CD58: variants seen among roughly 807,000 people sequenced by gnomAD.
CD58 encodes CD58 molecule.
A neutral mutation model predicts 27.6 loss-of-function variants in CD58; 14 were observed. The observed-to-expected ratio is 0.51, with a 90% confidence interval of 0.34 to 0.79. CD58 has a LOEUF of 0.79. Among genes scored for constraint, CD58 ranks in the 30% least tolerant of loss-of-function variants. CD58 has a pLI of 0.02. For synonymous variants in CD58, 117 were observed against 103.8 expected (o/e 1.13, Z -0.77); for missense variants, 268 against 301.7 (o/e 0.89, Z 0.83).
rs1359833741 is a variant in CD58 at position 116,534,450 on chromosome 1, G to C, written c.628+1515C>G. 6.6e-6 allele frequency among the ~76,000 whole-genome samples: 1 copy of C among 152,182 alleles called. No individual in the cohort carries two copies. Among genetic ancestry groups the C allele is most frequent in the Admixed American group, 6.5e-5 (1 of 15,284 alleles). On this transcript the variant is annotated intron_variant, in intron 3 of 5. Transcript: ENST00000369489. This position sits in a 1 kb window ranked among gnomAD's most constrained non-coding sequence, Gnocchi z 5.3. ...TGCGCCGCGGCCCTCCGGGTACGCG[G>C]GGCTGGCTGGGCTAGCGGGAGATTT...
At chr1:116,547,555 T>G (rs1239639955) in intron 1 of CD58, among the ~76,000 whole-genome samples, 2 of 152,008 alleles carry the variant, frequency 1.3e-5, no homozygotes, top group African/African-American at 4.8e-5. Flanking sequence ...GGTCTCGATC[T>G]CCTGACCTCG....
At chr1:116,526,542 T>C (rs905335771) in intron 3 of CD58, among the ~76,000 whole-genome samples, 5 of 152,234 alleles carry the variant, frequency 3.3e-5, no homozygotes, top group Non-Finnish European at 4.4e-5. Context: ...GATTCACTGA[T>C]CTATTTGTCT....
chr1:116,514,762 T>C lies in CD58; in HGVS notation c.*51A>G, dbSNP rs1412938065. 2.4e-6 allele frequency: 3 copies of C among 1,250,824 alleles called. No homozygotes were observed. Among genetic ancestry groups the C allele is most frequent in the South Asian group, 2.6e-5 (2 of 77,290 alleles). The allele number at this position is 1,250,824 out of a possible 1,614,324, so 77.5% of individuals were successfully genotyped here. ...TCAAATGAGAAATCAGATGGCTTTT[T>C]AGTTTTTAAAATAATTTAGTTATGC... On this transcript the variant is annotated 3_prime_UTR_variant, in exon 6 of 6. Transcript: ENST00000369489.
Position 116,562,791 on chromosome 1 carries a change from G to A in CD58, c.70+8112C>T, listed in dbSNP as rs149704382. ...CTCATGATTCAATTATCTCCACCTG[G>A]CCCTGCCCTTGACACACGGGGATTA... On this transcript the variant is annotated intron_variant, in intron 1 of 5. Coordinates refer to ENST00000369489, the MANE Select transcript of CD58 (RefSeq NM_001779.3). Among the ~76,000 whole-genome samples, 42 of 152,262 alleles carry A rather than the reference G, an allele frequency of 2.8e-4. 1 individual carries two copies. The highest frequency in any genetic ancestry group is 9.9e-4 in the African/African-American group (41 of 41,554).
chr1:116,559,223 G>C lies in CD58; in HGVS notation c.70+11680C>G, dbSNP rs938997090. Reference sequence around the variant, plus strand: ...GGGAGCGAGCCTAAGAACATCTGGGGTGAGAGTGAGAAAGGAGTTATTTCT... The same window carrying C: ...GGGAGCGAGCCTAAGAACATCTGGGCTGAGAGTGAGAAAGGAGTTATTTCT... On this transcript the variant is annotated intron_variant, in intron 1 of 5. Transcript: ENST00000369489. This position sits in a 1 kb window ranked among gnomAD's most constrained non-coding sequence, Gnocchi z 4.4. Among the ~76,000 whole-genome samples the C allele has an allele frequency of 1.1e-4, 17 of 152,136 alleles. No homozygotes were observed. The highest frequency in any genetic ancestry group is 4.1e-4 in the African/African-American group (17 of 41,416).
chr1:116,545,458 GGGACAGACAAGC>G (rs1658138117), intron 1 of CD58, among the ~76,000 whole-genome samples: 1 of 152,136 alleles, frequency 6.6e-6, no homozygotes, highest in African/African-American at 2.4e-5. Flanking sequence ...GTTTGTAGTG[GGGACAGACAAGC>G]GGACAGACTC....
At position 116,559,689 on chromosome 1, in the gene CD58, C is replaced by T. The variant is rs1005652300; in HGVS notation, c.70+11214G>A. Among the ~76,000 whole-genome samples the T allele has an allele frequency of 1.3e-5, 2 of 152,200 alleles. No homozygotes were observed. The highest frequency in any genetic ancestry group is 6.5e-5 in the Admixed American group (1 of 15,284). ...CAAGGTTCCCGGACCTTGCTCTCAGCTGTCAATCTGCCTCCTCGATAAGTT... is the reference window on the plus strand; with the variant it reads ...CAAGGTTCCCGGACCTTGCTCTCAGTTGTCAATCTGCCTCCTCGATAAGTT... On this transcript the variant is annotated intron_variant, in intron 1 of 5. Coordinates refer to ENST00000369489, the MANE Select transcript of CD58 (RefSeq NM_001779.3). This position sits in a 1 kb window ranked among gnomAD's most constrained non-coding sequence, Gnocchi z 4.4.
At chr1:116,544,817 T>A (rs527591113) in intron 1 of CD58, among the ~76,000 whole-genome samples, 1 of 152,306 alleles carries the variant, frequency 6.6e-6, no homozygotes, top group Non-Finnish European at 1.5e-5. Flanking sequence ...GCACCAACCA[T>A]CTGCCAGGTA....
chr1:116,541,395 A>G lies in CD58; in HGVS notation c.364+2916T>C, dbSNP rs1239689380. 1.3e-5 allele frequency among the ~76,000 whole-genome samples: 2 copies of G among 152,240 alleles called. No individual in the cohort carries two copies. Among genetic ancestry groups the G allele is most frequent in the African/African-American group, 4.8e-5 (2 of 41,460 alleles). The stretch of plus-strand genomic sequence containing the variant: ...AGTCCACAGGGGTCAGACCTCACAT[A>G]GCCTTGCAAGTCGCTTTACACATTT... On this transcript the variant is annotated intron_variant, in intron 2 of 5. Transcript: ENST00000369489. This position sits in a 1 kb window ranked among gnomAD's most constrained non-coding sequence, Gnocchi z 5.3.
At chr1:116,569,080 G>A (rs549564105) in intron 1 of CD58, among the ~76,000 whole-genome samples, 9 of 152,364 alleles carry the variant, frequency 5.9e-5, no homozygotes, top group Non-Finnish European at 1.3e-4. Flanking sequence ...TGTTGGAGGT[G>A]GAGCTTGGGC....
chr1:116,556,437 T>C (rs554815347), intron 1 of CD58, among the ~76,000 whole-genome samples: 6 of 152,198 alleles, frequency 3.9e-5, no homozygotes, highest in African/African-American at 1.4e-4. Flanking sequence ...GTTTCTTATT[T>C]AGCTTGCTAC....
Position 116,563,112 on chromosome 1 carries a change from T to C in CD58, c.70+7791A>G, listed in dbSNP as rs1357701388. Among the ~76,000 whole-genome samples, 2 of 152,130 alleles carry C rather than the reference T, an allele frequency of 1.3e-5. No homozygotes were observed. The highest frequency in any genetic ancestry group is 4.8e-5 in the African/African-American group (2 of 41,396). On this transcript the variant is annotated intron_variant, in intron 1 of 5. Transcript: ENST00000369489. This position sits in a 1 kb window ranked among gnomAD's most constrained non-coding sequence, Gnocchi z 4.1. ...TATATCCATTCCAAATGGGAGAAATTGTCCAAAACAAAAGGGCTACAGGCC... is the reference window on the plus strand; with the variant it reads ...TATATCCATTCCAAATGGGAGAAATCGTCCAAAACAAAAGGGCTACAGGCC...
intron 1 of CD58, among the ~76,000 whole-genome samples, chr1:116,567,792 T>C (rs1169573500): frequency 6.6e-6 from 1 of 152,214 alleles, no homozygotes; most frequent in African/African-American, 2.4e-5. Flanking sequence ...AAAGGTAAAA[T>C]GGTGCCTCTA....
rs1658341683 is a variant in CD58 at position 116,550,066 on chromosome 1, G to C, written c.71-5462C>G. 6.6e-6 allele frequency among the ~76,000 whole-genome samples: 1 copy of C among 152,126 alleles called. No homozygotes were observed. The highest frequency in any genetic ancestry group is 1.5e-5 in the Non-Finnish European group (1 of 68,024). Reference sequence around the variant, plus strand: ...ATGCTAACAATCATTTGAGCCTTCAGCAAGTCCTAATATTTTTGCTGGTGA... The same window carrying C: ...ATGCTAACAATCATTTGAGCCTTCACCAAGTCCTAATATTTTTGCTGGTGA... On this transcript the variant is annotated intron_variant, in intron 1 of 5. Coordinates refer to ENST00000369489, the MANE Select transcript of CD58 (RefSeq NM_001779.3). The surrounding 1 kb of genome is among the most constrained non-coding windows in gnomAD (Gnocchi z 4.2).
intron 1 of CD58, among the ~76,000 whole-genome samples, chr1:116,568,532 C>G (rs550133795): frequency 6.6e-6 from 1 of 152,320 alleles, no homozygotes; most frequent in South Asian, 2.1e-4. Flanking sequence ...TTATCACCAT[C>G]CAGCATCCAT....
At position 116,535,954 on chromosome 1, in the gene CD58, T is replaced by C; in HGVS notation, c.628+11A>G. 9 of 1,595,050 alleles carry C rather than the reference T, an allele frequency of 5.6e-6. No individual in the cohort carries two copies. The highest frequency in any genetic ancestry group is 7.7e-6 in the Non-Finnish European group (9 of 1,169,962). ...TGAAAGCCTCCATGACACATTTAGTTATTTACTCACCGCTGCTTGGGATAC... is the reference window on the plus strand; with the variant it reads ...TGAAAGCCTCCATGACACATTTAGTCATTTACTCACCGCTGCTTGGGATAC... On this transcript the variant is annotated intron_variant, in intron 3 of 5. Coordinates refer to ENST00000369489, the MANE Select transcript of CD58 (RefSeq NM_001779.3).
chr1:116,523,762 A>T lies in CD58; in HGVS notation c.629-1779T>A, dbSNP rs1383287352. Among the ~76,000 whole-genome samples, 1 of 152,166 alleles carries T rather than the reference A, an allele frequency of 6.6e-6. No individual in the cohort carries two copies. The highest frequency in any genetic ancestry group is 2.4e-5 in the African/African-American group (1 of 41,430). On this transcript the variant is annotated intron_variant, in intron 3 of 5. Transcript: ENST00000369489. The surrounding 1 kb of genome is among the most constrained non-coding windows in gnomAD (Gnocchi z 4.4). ...TATCATTCCTTCTTTACTAACTACA[A>T]TCTTCACATAAAGATAAACTGCCCC...
Position 116,544,601 on chromosome 1 carries a change from A to G in CD58, c.74T>C (p.Phe25Ser). Residue 25 changes from phenylalanine (F) to serine (S), a missense_variant, in exon 2 of 6, where the codon TTC (phenylalanine) becomes TCC (serine). Coordinates refer to ENST00000369489, the MANE Select transcript of CD58 (RefSeq NM_001779.3). The stretch of plus-strand genomic sequence containing the variant: ...TATTTGTTGGGAAAAACAGCTGATG[A>G]AACCTAGGAGAGAAAAAAAAATTGG... Reference protein sequence around the residue: ...SVVCLLHCFGFISCFSQQIYG... With the variant: ...SVVCLLHCFGSISCFSQQIYG... 1 of 1,576,242 alleles carries G rather than the reference A, an allele frequency of 6.3e-7. No individual in the cohort carries two copies. Among genetic ancestry groups the G allele is most frequent in the Non-Finnish European group, 8.6e-7 (1 of 1,163,776 alleles).
intron 1 of CD58, among the ~76,000 whole-genome samples, chr1:116,549,379 A>T (rs1658309793): frequency 6.6e-6 from 1 of 152,178 alleles, no homozygotes. Context: ...CCAGGAGAGC[A>T]GGGCAGGTCC....
Sources: allele counts gnomAD v4.1 joint callset (sites outside exome capture counted in the v4.1 genomes callset), GRCh38; gene constraint gnomAD v4.1.1; non-coding constraint Gnocchi (gnomAD v3.1); transcripts MANE v1.5; gene names NCBI Gene and HGNC (gene_info 2026-07-23, HGNC 2026-07-21).